Variants in GABRA2 observed in about 807,000 individuals in gnomAD.
GABRA2 encodes the protein gamma-aminobutyric acid type A receptor subunit alpha2.
GABRA2 carries 16 observed loss-of-function variants against 48.7 expected under a neutral mutation model. The ratio of observed to expected loss-of-function variants is 0.33; its 90% CI spans 0.22 to 0.50. The LOEUF is 0.50. GABRA2 is among the 20% of genes least tolerant of loss of function. The probability of loss-of-function intolerance (pLI) is 0.98; values close to 1 mark genes in which losing one functional copy is unlikely to be tolerated. For missense variants in GABRA2, 275 were observed against 535.6 expected, an observed-to-expected ratio of 0.51 and a Z score of 4.80; for synonymous variants, 185 against 184.5, an observed-to-expected ratio of 1.00 and a Z score of -0.02.
At chr4:46,323,098 A>G (rs946747283) in intron 4 of GABRA2, among the ~76,000 whole-genome samples, 1 of 151,986 alleles carries the variant, frequency 6.6e-6, no homozygotes, top group Non-Finnish European at 1.5e-5. Flanking sequence ...GTCAACACAT[A>G]CCAAAAAAGG....
At chr4:46,263,047 GAATAGAATAT>G (rs1204806226) in intron 8 of GABRA2, among the ~76,000 whole-genome samples, 2 of 88,212 alleles carry the variant, frequency 2.3e-5, no homozygotes, top group African/African-American at 5.8e-5. Context: ...TTGTACAAAA[GAATAGAATAT>G]AAGACAAATA....
chr4:46,291,878 A>G (rs967965201), intron 8 of GABRA2, among the ~76,000 whole-genome samples: 1 of 151,712 alleles, frequency 6.6e-6, no homozygotes, highest in Non-Finnish European at 1.5e-5. Flanking sequence ...CTTTTGTGCC[A>G]GGAGTGTTTA....
chr4:46,306,245 G>T (rs980118500), intron 6 of GABRA2, among the ~76,000 whole-genome samples: 17 of 152,136 alleles, frequency 1.1e-4, no homozygotes, highest in African/African-American at 3.9e-4. Context: ...CGCTATACTT[G>T]CATCAAGTTG....
At chr4:46,376,451 G>C (rs1231682644) in intron 3 of GABRA2, among the ~76,000 whole-genome samples, 1 of 152,298 alleles carries the variant, frequency 6.6e-6, no homozygotes, top group East Asian at 1.9e-4. Context: ...AGGCATGCTT[G>C]TGCCTGAAAC....
intron 8 of GABRA2, among the ~76,000 whole-genome samples, chr4:46,301,688 T>C (rs550542581): frequency 6.6e-6 from 1 of 152,342 alleles, no homozygotes; most frequent in East Asian, 1.9e-4. Context: ...TACTCAGCTC[T>C]AGGAAGGATC....
At chr4:46,365,302 A>G (rs1713871161) in intron 3 of GABRA2, 1 of 152,270 alleles carries the variant, frequency 6.6e-6, no homozygotes, top group Admixed American at 6.5e-5. Context: ...TAAACATTCT[A>G]TGGAGAATTT....
chr4:46,307,325 C>A (rs1190551187), intron 6 of GABRA2, among the ~76,000 whole-genome samples: 3 of 151,620 alleles, frequency 2.0e-5, no homozygotes, highest in Non-Finnish European at 4.4e-5. Context: ...CATATTCTGG[C>A]GCTCTCTTCA....
chr4:46,282,413 A>C (rs970192250), intron 8 of GABRA2, among the ~76,000 whole-genome samples: 3 of 152,182 alleles, frequency 2.0e-5, no homozygotes, highest in Non-Finnish European at 4.4e-5. Flanking sequence ...TACTTAGACA[A>C]ACTTGTGACT....
At chr4:46,331,577 G>A (rs903206800) in intron 4 of GABRA2, among the ~76,000 whole-genome samples, 2 of 152,126 alleles carry the variant, frequency 1.3e-5, no homozygotes, top group Non-Finnish European at 2.9e-5. Flanking sequence ...CATCAAAAAT[G>A]TCTATTACAG....
chr4:46,339,760 T>G (rs561722684), intron 3 of GABRA2, among the ~76,000 whole-genome samples: 1 of 151,926 alleles, frequency 6.6e-6, no homozygotes, highest in East Asian at 1.9e-4. Flanking sequence ...ACTCCTAACC[T>G]AATAATATCG....
At chr4:46,386,648 A>G (rs1301996903) in intron 2 of GABRA2, 1 of 154,642 alleles carries the variant, frequency 6.5e-6, no homozygotes, top group Non-Finnish European at 1.4e-5. Context: ...TATCTCTCTC[A>G]TAAGTGTCTT....
chr4:46,321,893 C>G (rs1578042763), intron 4 of GABRA2, among the ~76,000 whole-genome samples: 1 of 151,950 alleles, frequency 6.6e-6, no homozygotes, highest in South Asian at 2.1e-4. Context: ...CAGGATACCA[C>G]AAAGAATGCC....
intron 3 of GABRA2, among the ~76,000 whole-genome samples, chr4:46,337,739 G>A (rs533268766): frequency 9.9e-5 from 15 of 151,828 alleles, no homozygotes; most frequent in African/African-American, 3.6e-4. Context: ...TGCAGGGATA[G>A]GCCCTTTGGT....
chr4:46,367,354 G>C (rs1008502149), intron 3 of GABRA2: 1 of 152,078 alleles, frequency 6.6e-6, no homozygotes, highest in Non-Finnish European at 1.5e-5. Flanking sequence ...GACAAATGGT[G>C]AATTCTACAT....
intron 4 of GABRA2, among the ~76,000 whole-genome samples, chr4:46,321,066 A>G (rs1729364397): frequency 6.6e-6 from 1 of 151,976 alleles, no homozygotes. Context: ...AGATCCCATC[A>G]TTTGCAACAA....
chr4:46,278,178 T>C (rs1720867360), intron 8 of GABRA2, among the ~76,000 whole-genome samples: 1 of 152,120 alleles, frequency 6.6e-6, no homozygotes, highest in Non-Finnish European at 1.5e-5. Context: ...CACACAATAG[T>C]TGGATCCATA....
intron 8 of GABRA2, among the ~76,000 whole-genome samples, chr4:46,301,952 A>T (rs945450647): frequency 6.6e-6 from 1 of 152,220 alleles, no homozygotes. Flanking sequence ...GGCCCAATTC[A>T]TATATCTATA....
rs187649606 is a variant in GABRA2, at chr4:46,289,789, T to C, written c.856+13671A>G. On this transcript the variant is annotated intron_variant, in intron 8 of 9. Transcript: ENST00000381620. ...CTCAATTCTATTCCATTGATCTATG[T>C]GTCTGTTCGTATGCCAGCACCAGGC... is the stretch of plus-strand genomic sequence containing the variant. Among the ~76,000 whole-genome samples the C allele has an allele frequency of 1.3e-3, 204 of 152,312 alleles. 2 individuals are homozygous for C. Among genetic ancestry groups the C allele is most frequent in the African/African-American group, 4.6e-3 (193 of 41,570 alleles).
chr4:46,288,428 G>A lies in GABRA2; in HGVS notation c.856+15032C>T, dbSNP rs79822127. Among the ~76,000 whole-genome samples, 974 of 152,224 alleles carry A rather than the reference G, an allele frequency of 6.4e-3. 8 individuals are homozygous for A. The highest frequency in any genetic ancestry group is 0.011 in the Non-Finnish European group (751 of 68,014). On this transcript the variant is annotated intron_variant, in intron 8 of 9. Transcript: ENST00000381620. ...AACAGGCTTCGTACCTACACTACTT[G>A]ATCTTCGACAAACCTGACAAAAATA... is the stretch of plus-strand genomic sequence containing the variant.
Sources: gnomAD v4.1 joint callset for allele counts (sites outside exome capture counted in the v4.1 genomes callset) on GRCh38, gnomAD v4.1.1 for gene constraint, MANE v1.5 for transcripts, NCBI Gene and HGNC (gene_info 2026-07-23, HGNC 2026-07-21) for gene names.